Variants in SLC5A4 observed in about 807,000 individuals in gnomAD.
The protein encoded by SLC5A4 is probable glucose sensor protein SLC5A4.
SLC5A4 carries 55 observed loss-of-function variants against 70.3 expected under a neutral mutation model. The observed-to-expected ratio is 0.78, with a 90% confidence interval of 0.63 to 0.98. The LOEUF (loss-of-function observed/expected upper bound fraction) is 0.98, where lower values mean the gene tolerates loss of function less well. Among genes scored for constraint, SLC5A4 ranks in the 50% least tolerant of loss-of-function variants. The probability of loss-of-function intolerance (pLI) is 0.00; values close to 1 mark genes in which losing one functional copy is unlikely to be tolerated. For missense variants in SLC5A4, 735 were observed against 839.2 expected, an observed-to-expected ratio of 0.88 and a Z score of 1.53; for synonymous variants, 268 against 305.7, an observed-to-expected ratio of 0.88 and a Z score of 1.29.
rs1926348085 is a variant in SLC5A4, at chr22:32,239,564, ATATATTTATATATATATTTATATATATAT to A, written c.478-503_478-475del. On this transcript the variant is annotated intron_variant, in intron 5 of 14. Coordinates refer to ENST00000266086, the MANE Select transcript of SLC5A4 (RefSeq NM_014227.3). ...TATATATATATATATATATATATAT[ATATATTTATATATATATTTATATATATAT>A]AAATTATATAAAATATATGTATAAT... Among the ~76,000 whole-genome samples the A allele has an allele frequency of 4.0e-4, 8 of 20,096 alleles. 2 individuals are homozygous for A. The highest frequency in any genetic ancestry group is 2.0e-3 in the African/African-American group (6 of 2,940). 13.2% of individuals were successfully genotyped at this position (20,096 alleles called of 152,430 possible).
the SLC5A4 span, among the ~76,000 whole-genome samples, chr22:32,315,671 T>G: frequency 6.6e-6 from 1 of 151,484 alleles, no homozygotes; most frequent in East Asian, 1.9e-4. Context: ...AGAGACCGTA[T>G]GGTGAAAACT....
the SLC5A4 span, chr22:32,272,336 G>T: frequency 1.2e-6 from 1 of 838,304 alleles, no homozygotes; most frequent in Non-Finnish European, 2.1e-6. Context: ...GCACTGCAAG[G>T]CCACCTGGTG....
the SLC5A4 span, chr22:32,271,068 G>A: frequency 3.4e-6 from 2 of 584,900 alleles, no homozygotes; most frequent in African/African-American, 3.7e-5. Flanking sequence ...TCCCTCTTCA[G>A]TCCCAGCAAG....
At chr22:32,320,446 G>C in the SLC5A4 span, among the ~76,000 whole-genome samples, 54 of 152,274 alleles carry the variant, frequency 3.5e-4, no homozygotes, top group South Asian at 2.9e-3. Context: ...CAGAAGATTA[G>C]GATCAGTGAA....
At chr22:32,268,639 A>G in the SLC5A4 span, 6 of 152,234 alleles carry the variant, frequency 3.9e-5, no homozygotes, top group Non-Finnish European at 8.8e-5. Flanking sequence ...GTAGCCATTC[A>G]AAATGTTCTC....
chr22:32,325,150 T>C, the SLC5A4 span, among the ~76,000 whole-genome samples: 10 of 152,240 alleles, frequency 6.6e-5, no homozygotes, highest in African/African-American at 1.9e-4. Flanking sequence ...GTGTCAACTC[T>C]TGGCCCCTCG....
At chr22:32,231,945 A>G (rs551744185) in intron 9 of SLC5A4, among the ~76,000 whole-genome samples, 1 of 152,036 alleles carries the variant, frequency 6.6e-6, no homozygotes, top group Non-Finnish European at 1.5e-5. Context: ...CAATGGTGCA[A>G]TCATAGTTCA....
chr22:32,267,790 C>T, the SLC5A4 span, among the ~76,000 whole-genome samples: 3 of 152,320 alleles, frequency 2.0e-5, no homozygotes, highest in African/African-American at 7.2e-5. Flanking sequence ...GGCAGGACAG[C>T]CCAGTATAGA....
At chr22:32,310,544 G>A in the SLC5A4 span, among the ~76,000 whole-genome samples, 2 of 152,066 alleles carry the variant, frequency 1.3e-5, no homozygotes, top group Non-Finnish European at 2.9e-5. Context: ...CATGTCAGGG[G>A]AGAGGAAGCC....
rs1925832471 is a variant in SLC5A4 at position 32,232,756 on chromosome 22, C to T, written c.1021+143G>A. ...TATGCCAAATTTTCCTGCCTTTGAC[C>T]ACTGTGCAGGCTGCTCCCTCCACCT... is the stretch of plus-strand genomic sequence containing the variant. On this transcript the variant is annotated intron_variant, in intron 9 of 14. Coordinates refer to ENST00000266086, the MANE Select transcript of SLC5A4 (RefSeq NM_014227.3). The T allele has an allele frequency of 1.0e-5, 10 of 967,958 alleles. No homozygotes were observed. The South Asian group carries it at 1.4e-4, about 13-fold the overall frequency. The allele number at this position is 967,958 out of a possible 1,614,324, so 60.0% of individuals were successfully genotyped here.
chr22:32,221,213 GT>G (rs903318381), intron 13 of SLC5A4, among the ~76,000 whole-genome samples, 191 bp from the exon 14 acceptor site: 2 of 152,108 alleles, frequency 1.3e-5, no homozygotes, highest in African/African-American at 4.8e-5. Context: ...ATTTTTTTCT[GT>G]TTTTAATTCT....
At chr22:32,239,530 A>ATC (rs1926274826) in intron 5 of SLC5A4, among the ~76,000 whole-genome samples, 2 of 8,840 alleles carry the variant, frequency 2.3e-4, no homozygotes, top group African/African-American at 2.5e-3. Context: ...ATATATATAT[A>ATC]TATATATATA....
chr22:32,323,563 C>A, the SLC5A4 span, among the ~76,000 whole-genome samples: 8 of 152,204 alleles, frequency 5.3e-5, no homozygotes, highest in Admixed American at 1.3e-4. Context: ...GCCTTGGAGA[C>A]CCTGTCTGCA....
chr22:32,232,563 G>A (rs985779698), intron 9 of SLC5A4, among the ~76,000 whole-genome samples: 1 of 151,934 alleles, frequency 6.6e-6, no homozygotes, highest in Non-Finnish European at 1.5e-5. Context: ...AGACAGTACG[G>A]CTCACTCAAC....
At chr22:32,226,162 A>G (rs1326539131) in intron 11 of SLC5A4, among the ~76,000 whole-genome samples, 2 of 152,238 alleles carry the variant, frequency 1.3e-5, no homozygotes, top group African/African-American at 4.8e-5. Flanking sequence ...TTAACCAGCA[A>G]TTATTTGTAT....
chr22:32,282,922 C>T, the SLC5A4 span, among the ~76,000 whole-genome samples: 3 of 152,242 alleles, frequency 2.0e-5, no homozygotes, highest in African/African-American at 7.2e-5. Context: ...TGCAAGCCAC[C>T]TTCATCCTCG....
the SLC5A4 span, among the ~76,000 whole-genome samples, chr22:32,337,348 C>T: frequency 1.3e-5 from 2 of 152,160 alleles, no homozygotes; most frequent in Admixed American, 6.5e-5. Context: ...GCCTGGGCAA[C>T]GTGGCAAAAC....
the SLC5A4 span, among the ~76,000 whole-genome samples, chr22:32,316,083 C>T: frequency 1.1e-4 from 16 of 140,990 alleles, no homozygotes; most frequent in South Asian, 6.8e-4. Context: ...GCAGGAGAAT[C>T]GCTTGAACCC....
At chr22:32,336,501 C>G in the SLC5A4 span, among the ~76,000 whole-genome samples, 2 of 152,236 alleles carry the variant, frequency 1.3e-5, no homozygotes, top group African/African-American at 4.8e-5. Context: ...TAGGAGCCAC[C>G]TCCCAGGAGG....
Sources: gnomAD v4.1 joint callset for allele counts (sites outside exome capture counted in the v4.1 genomes callset) on GRCh38, gnomAD v4.1.1 for gene constraint, MANE v1.5 for transcripts, NCBI Gene and HGNC (gene_info 2026-07-23, HGNC 2026-07-21) for gene names.